IL23R: variants seen among roughly 807,000 people sequenced by gnomAD.
IL23R encodes interleukin 23 receptor, also known as interleukin-23 receptor.
A neutral mutation model predicts 56.9 loss-of-function variants in IL23R; 34 were observed. That is an observed-to-expected ratio of 0.60 (90% CI 0.45 to 0.80). The LOEUF (loss-of-function observed/expected upper bound fraction) is 0.80. IL23R is among the 30% of genes least tolerant of loss of function. IL23R has a pLI of 0.00. For synonymous variants in IL23R, 230 were observed against 249.2 expected (o/e 0.92, Z 0.73); for missense variants, 635 against 730.0 (o/e 0.87, Z 1.50).
intron 4 of IL23R, among the ~76,000 whole-genome samples, chr1:67,194,029 A>G (rs1402254878): frequency 6.6e-6 from 1 of 152,194 alleles, no homozygotes; most frequent in Non-Finnish European, 1.5e-5. Flanking sequence ...CACTTTACTT[A>G]TATTTATCCA....
intron 9 of IL23R, among the ~76,000 whole-genome samples, chr1:67,251,921 C>T (rs1000579513): frequency 2.0e-5 from 3 of 152,084 alleles, no homozygotes; most frequent in African/African-American, 7.2e-5. Context: ...CCCTAAAATT[C>T]CTGTTCCCTT....
chr1:67,164,141 G>T (rs916334734), upstream of IL23R, among the ~76,000 whole-genome samples: 30 of 152,040 alleles, frequency 2.0e-4, no homozygotes, highest in African/African-American at 6.0e-4. Flanking sequence ...AAATACATAA[G>T]GAACTCAAAT....
At chr1:67,264,312 A>C (rs2100407244), downstream of IL23R, among the ~76,000 whole-genome samples, 1 of 152,378 alleles carries the variant, frequency 6.6e-6, no homozygotes, top group Non-Finnish European at 1.5e-5. Flanking sequence ...AAGATCACTA[A>C]GAATAAAATA....
chr1:67,199,066 C>A (rs1003809686), intron 4 of IL23R, among the ~76,000 whole-genome samples: 7 of 152,092 alleles, frequency 4.6e-5, no homozygotes, highest in South Asian at 2.1e-4. Flanking sequence ...ACAAATCCTC[C>A]GTAAAGGTGC....
intron 9 of IL23R, among the ~76,000 whole-genome samples, chr1:67,247,950 C>A (rs1652349036): frequency 6.6e-6 from 1 of 152,196 alleles, no homozygotes; most frequent in African/African-American, 2.4e-5. Context: ...CCCCCACTGT[C>A]TTCTGGCTTG....
At chr1:67,158,586 A>G (rs186371130) in intron 1 of IL23R, among the ~76,000 whole-genome samples, 1 of 152,296 alleles carries the variant, frequency 6.6e-6, no homozygotes, top group Non-Finnish European at 1.5e-5. Flanking sequence ...AGGTGTTGCC[A>G]TGGTAATGGT....
chr1:67,173,606 A>G (rs1196693257), intron 3 of IL23R, among the ~76,000 whole-genome samples: 2 of 152,166 alleles, frequency 1.3e-5, no homozygotes, highest in Non-Finnish European at 2.9e-5. Context: ...ACTCAATGCT[A>G]CAAGTCGCCA....
At chr1:67,152,743 G>GT (rs1423482359) in intron 1 of IL23R, among the ~76,000 whole-genome samples, 26 of 114,634 alleles carry the variant, frequency 2.3e-4, no homozygotes, top group South Asian at 3.6e-4. Context: ...TATGTGATGC[G>GT]TTACATTTAT....
At chr1:67,261,413 TA>T (rs35052279), downstream of IL23R, among the ~76,000 whole-genome samples, 16,774 of 146,248 alleles carry the variant, frequency 0.11, 1,441 homozygotes, top group Admixed American at 0.26. Flanking sequence ...ATTCATACTG[TA>T]AAAAAAAGTA....
chr1:67,156,044 G>T (rs1290604016), intron 1 of IL23R, among the ~76,000 whole-genome samples: 5 of 152,158 alleles, frequency 3.3e-5, no homozygotes, highest in African/African-American at 1.2e-4. Context: ...CTAACAGTCA[G>T]GTCCCTCTTC....
Position 67,219,644 on chromosome 1 carries a change from A to T in IL23R, c.869A>T (p.Tyr290Phe), listed in dbSNP as rs1368647155. The change falls in exon 7 of 11, where the codon TAC becomes TTC. Residue 290 changes from tyrosine to phenylalanine, a missense_variant. By Grantham distance (22) the Tyr-to-Phe change is conservative (BLOSUM62 3). Coordinates refer to ENST00000347310, the MANE Select transcript of IL23R (RefSeq NM_144701.3). ...SEFYLEPNIK[Y>F]VFQVRCQETG... ...TTCTACTTGGAGCCAAACATTAAGT[A>T]CGTATTTCAAGTGAGATGTCAAGAA... The T allele has an allele frequency of 6.8e-6, 11 of 1,614,116 alleles. No homozygotes were observed. Among genetic ancestry groups the T allele is most frequent in the Non-Finnish European group, 9.3e-6 (11 of 1,179,924 alleles).
intron 6 of IL23R, among the ~76,000 whole-genome samples, chr1:67,214,462 A>T (rs146637362): frequency 6.6e-6 from 1 of 152,342 alleles, no homozygotes; most frequent in East Asian, 1.9e-4. Context: ...AGACCATATG[A>T]GATAACAAAT....
At chr1:67,220,726 C>A (rs971037205) in intron 7 of IL23R, among the ~76,000 whole-genome samples, 5 of 152,012 alleles carry the variant, frequency 3.3e-5, no homozygotes, top group African/African-American at 1.2e-4. Flanking sequence ...ATAAAATTAC[C>A]CAGGCATGGT....
intron 4 of IL23R, among the ~76,000 whole-genome samples, chr1:67,189,125 A>G (rs1647561832): frequency 6.6e-6 from 1 of 152,106 alleles, no homozygotes; most frequent in Non-Finnish European, 1.5e-5. Flanking sequence ...TCTAATAGAA[A>G]GACTTATTTT....
At chr1:67,246,138 T>G (rs1299670466) in intron 9 of IL23R, among the ~76,000 whole-genome samples, 3 of 152,238 alleles carry the variant, frequency 2.0e-5, no homozygotes, top group East Asian at 3.8e-4. Flanking sequence ...TTTATATTTC[T>G]GTGGGATTGG....
At chr1:67,179,764 A>G (rs9772676) in intron 3 of IL23R, among the ~76,000 whole-genome samples, 5 of 152,108 alleles carry the variant, frequency 3.3e-5, no homozygotes, top group African/African-American at 1.2e-4. Context: ...TTAGTGCTAT[A>G]AATTTCCCTC....
downstream of IL23R, among the ~76,000 whole-genome samples, chr1:67,263,362 T>C (rs1653268996): frequency 6.6e-6 from 1 of 152,080 alleles, no homozygotes; most frequent in African/African-American, 2.4e-5. Context: ...CTGGGAATTA[T>C]AGGCATGAAC....
At chr1:67,215,209 G>A (rs368764033) in intron 6 of IL23R, among the ~76,000 whole-genome samples, 5 of 152,264 alleles carry the variant, frequency 3.3e-5, no homozygotes, top group East Asian at 1.9e-4. Context: ...TTTTGTCTGC[G>A]GCTCGTCCTG....
intron 4 of IL23R, among the ~76,000 whole-genome samples, chr1:67,193,935 C>T (rs1422729750): frequency 6.6e-6 from 1 of 152,188 alleles, no homozygotes; most frequent in African/African-American, 2.4e-5. Context: ...GTGCTTTTGA[C>T]CAACCGGCTA....
Sources: gnomAD v4.1 joint callset for allele counts (sites outside exome capture counted in the v4.1 genomes callset) on GRCh38, gnomAD v4.1.1 for gene constraint, MANE v1.5 for transcripts, NCBI Gene and HGNC (gene_info 2026-07-23, HGNC 2026-07-21) for gene names.